Variants in KIAA0586 observed in about 807,000 individuals in gnomAD.
The protein encoded by KIAA0586 is KIAA0586.
KIAA0586 carries 144 observed loss-of-function variants against 169.8 expected under a neutral mutation model. The observed-to-expected ratio is 0.85, with a 90% CI of 0.74 to 0.97. KIAA0586 has a LOEUF of 0.97. Among genes scored for constraint, KIAA0586 ranks in the 50% least tolerant of loss-of-function variants. KIAA0586 has a pLI of 0.00. For synonymous variants in KIAA0586, 625 were observed against 612.4 expected, an observed-to-expected ratio of 1.02 and a Z score of -0.30; for missense variants, 1,854 against 1,823.0, an observed-to-expected ratio of 1.02 and a Z score of -0.31.
chr14:58,452,112 C>T, intron 8 of KIAA0586, among the ~76,000 whole-genome samples: 1 of 152,008 alleles, frequency 6.6e-6, no homozygotes, highest in Non-Finnish European at 1.5e-5. Context: ...ACACAATGGA[C>T]TTTGGGGACT....
At chr14:58,535,699 ATT>A (rs3041108) in intron 29 of KIAA0586, among the ~76,000 whole-genome samples, 34,842 of 141,118 alleles carry the variant, frequency 0.25, 4,075 homozygotes, top group East Asian at 0.37. Context: ...AATTTATTGG[ATT>A]TTTTTTTTTT....
At position 58,475,479 on chromosome 14, in the gene KIAA0586, T is replaced by A. The variant is rs577741064; in HGVS notation, c.2825+682T>A. Among the ~76,000 whole-genome samples, 18 of 147,986 alleles carry A rather than the reference T, an allele frequency of 1.2e-4. No individual in the cohort carries two copies. The South Asian group carries it at 4.1e-3, about 33-fold the overall frequency. ...AGGTTGGGACTGCTATACTAGGCCA[T>A]ATAATACCTAGCACTACAAAGAGGG... On this transcript the variant is annotated intron_variant, in intron 19 of 30. Transcript: ENST00000652326.
intron 27 of KIAA0586, among the ~76,000 whole-genome samples, chr14:58,501,032 T>C (rs2141335900): frequency 6.6e-6 from 1 of 152,372 alleles, no homozygotes; most frequent in East Asian, 1.9e-4. Flanking sequence ...TAGATAAATT[T>C]GCAAATATGT....
At chr14:58,560,204 C>G in the KIAA0586 span, among the ~76,000 whole-genome samples, 1 of 150,310 alleles carries the variant, frequency 6.7e-6, no homozygotes, top group Admixed American at 6.6e-5. Context: ...ACCAAACCAA[C>G]AGCTGGTGGG....
rs201393625 is a variant in KIAA0586 at position 58,429,378 on chromosome 14, C to T, written c.215C>T (p.Thr72Ile). ...GTTTTGTTAGGTTCATCAGACTTAA[C>T]TTCTGCTAGAAATTGTTACCAGCCT... ...NGTSRGSSDLTSARNCYQPLL... is the reference protein window; with the variant it reads ...NGTSRGSSDLISARNCYQPLL... The change falls in exon 2 of 31, where the codon ACT becomes ATT. Residue 72 changes from threonine to isoleucine, a missense_variant. By Grantham distance (89) the Thr-to-Ile change is moderately conservative. Coordinates refer to ENST00000652326, the MANE Select transcript of KIAA0586 (RefSeq NM_001329943.3). 1.2e-4 allele frequency: 195 copies of T among 1,593,292 alleles called. 1 individual carries two copies. The highest frequency in any genetic ancestry group is 3.4e-4 in the South Asian group (31 of 90,648).
rs2044471444 is a variant in KIAA0586, at chr14:58,512,638, T to A, written c.4429+11T>A. ...CTTCACAGCAACAAGGTAAGACTTG[T>A]TTTTATGTAATAATACAATAGTTTG... On this transcript the variant is annotated intron_variant, in intron 29 of 30. Coordinates refer to ENST00000652326, the MANE Select transcript of KIAA0586 (RefSeq NM_001329943.3). 7 of 1,326,760 alleles carry A rather than the reference T, an allele frequency of 5.3e-6. No individual in the cohort carries two copies. The highest frequency in any genetic ancestry group is 7.2e-6 in the Non-Finnish European group (7 of 974,386). 82.2% of individuals were successfully genotyped at this position (1,326,760 alleles called of 1,614,324 possible).
rs2047146008 is a variant in KIAA0586 at position 58,549,296 on chromosome 14, G to A, written c.*1364G>A. On this transcript the variant is annotated 3_prime_UTR_variant, in exon 31 of 31. Coordinates refer to ENST00000652326, the MANE Select transcript of KIAA0586 (RefSeq NM_001329943.3). ...TACTAATGCCTGGGCCTTGTACCAAGGGATTTCAATTTAATTGATCTTGGA... is the reference window on the plus strand; with the variant it reads ...TACTAATGCCTGGGCCTTGTACCAAAGGATTTCAATTTAATTGATCTTGGA... The A allele has an allele frequency of 6.6e-6, 1 of 151,546 alleles. No individual in the cohort carries two copies. The highest frequency in any genetic ancestry group is 2.1e-4 in the South Asian group (1 of 4,806). 9.4% of individuals were successfully genotyped at this position (151,546 alleles called of 1,614,324 possible).
At chr14:58,441,977 A>G (rs1204584347) in intron 4 of KIAA0586, 1 of 152,158 alleles carries the variant, frequency 6.6e-6, no homozygotes, top group Non-Finnish European at 1.5e-5. Flanking sequence ...TCACTACTGT[A>G]CTTGACTAGT....
chr14:58,442,635 T>C, intron 4 of KIAA0586, 71 bp from the exon 5 acceptor site: 1 of 1,119,558 alleles, frequency 8.9e-7, no homozygotes, highest in East Asian at 2.7e-5. Context: ...CAGATTACCA[T>C]TTGTTAAGTA....
intron 27 of KIAA0586, among the ~76,000 whole-genome samples, chr14:58,501,873 T>C (rs2043594559): frequency 6.6e-6 from 1 of 152,236 alleles, no homozygotes. Context: ...CACAGAACTC[T>C]GAAAGTCACA....
chr14:58,442,824 A>G lies in KIAA0586; in HGVS notation c.529A>G (p.Thr177Ala). The G allele has an allele frequency of 6.2e-7, 1 of 1,610,984 alleles. No individual in the cohort carries two copies. The highest frequency in any genetic ancestry group is 1.7e-5 in the Admixed American group (1 of 59,626). The change falls in exon 5 of 31, where the codon ACA becomes GCA. Residue 177 changes from threonine (T) to alanine (A), a missense_variant. By Grantham distance (58) the Thr-to-Ala change is moderately conservative. Coordinates refer to ENST00000652326, the MANE Select transcript of KIAA0586 (RefSeq NM_001329943.3). ...RISPSGIDSATTVAAATAAAI... is the reference protein window; with the variant it reads ...RISPSGIDSAATVAAATAAAI... ...TTCACCCAGTGGAATTGATTCAGCT[A>G]CAACCGTGGCTGCAGCAACTGCTGC... is the stretch of plus-strand genomic sequence containing the variant.
intron 29 of KIAA0586, among the ~76,000 whole-genome samples, chr14:58,527,968 C>T (rs1267074734): frequency 6.6e-6 from 1 of 152,090 alleles, no homozygotes; most frequent in African/African-American, 2.4e-5. Flanking sequence ...ACCCATCTCA[C>T]ATGCAAAGGC....
At chr14:58,448,034 T>C (rs530530834) in intron 6 of KIAA0586, among the ~76,000 whole-genome samples, 1 of 152,156 alleles carries the variant, frequency 6.6e-6, no homozygotes, top group East Asian at 1.9e-4. Flanking sequence ...GGTCTTCTCT[T>C]AGCCGGCTGC....
Position 58,485,738 on chromosome 14 carries a change from T to C in KIAA0586, c.3145-1269T>C, listed in dbSNP as rs530719088. On this transcript the variant is annotated intron_variant, in intron 21 of 30. Coordinates refer to ENST00000652326, the MANE Select transcript of KIAA0586 (RefSeq NM_001329943.3). ...AAATTAATATTAAATTGTTACATTT[T>C]TCCTTCTCCAGTACTTTCCATCTCC... Among the ~76,000 whole-genome samples, 36 of 152,322 alleles carry C rather than the reference T, an allele frequency of 2.4e-4. 1 individual carries two copies. Among genetic ancestry groups the C allele is most frequent in the Non-Finnish European group, 3.8e-4 (26 of 68,032 alleles).
intron 9 of KIAA0586, among the ~76,000 whole-genome samples, chr14:58,454,720 G>A (rs886769371): frequency 2.0e-5 from 3 of 152,144 alleles, no homozygotes; most frequent in African/African-American, 7.2e-5. Flanking sequence ...CAAGATCAAG[G>A]TGCTGGCCGG....
intron 29 of KIAA0586, among the ~76,000 whole-genome samples, chr14:58,517,311 T>C (rs1304868189): frequency 6.6e-6 from 1 of 152,148 alleles, no homozygotes; most frequent in Non-Finnish European, 1.5e-5. Context: ...TTAAAATGCA[T>C]AAAAGATTTG....
At chr14:58,547,739 AG>A in intron 30 of KIAA0586, 41 bp from the exon 31 acceptor site, 2 of 1,570,682 alleles carry the variant, frequency 1.3e-6, no homozygotes, top group Non-Finnish European at 8.7e-7. Context: ...GTAAATACTC[AG>A]GTTACGCATG....
At chr14:58,465,438 C>A (rs1404072563) in intron 14 of KIAA0586, among the ~76,000 whole-genome samples, 1 of 152,022 alleles carries the variant, frequency 6.6e-6, no homozygotes, top group African/African-American at 2.4e-5. Context: ...ACATTTTTTT[C>A]TAGTTATTAT....
intron 29 of KIAA0586, among the ~76,000 whole-genome samples, chr14:58,526,922 C>T (rs1161367251): frequency 6.6e-6 from 1 of 151,874 alleles, no homozygotes; most frequent in Non-Finnish European, 1.5e-5. Context: ...CTCTTTAATT[C>T]CTTCCCCCAT....
Sources: allele counts gnomAD v4.1 joint callset (sites outside exome capture counted in the v4.1 genomes callset), GRCh38; gene constraint gnomAD v4.1.1; transcripts MANE v1.5; gene names NCBI Gene and HGNC (gene_info 2026-07-23, HGNC 2026-07-21).